PLCB4: variants seen among roughly 807,000 people sequenced by gnomAD.
PLCB4 encodes phospholipase C beta 4.
PLCB4 carries 77 observed loss-of-function variants against 178.8 expected under a neutral mutation model. The ratio of observed to expected loss-of-function variants is 0.43; its 90% confidence interval spans 0.36 to 0.52. PLCB4 has a LOEUF of 0.52. Ranked by LOEUF, PLCB4 falls within the 20% of genes least tolerant of loss-of-function variation. The pLI is 0.00. For synonymous variants in PLCB4, 496 were observed against 490.8 expected (o/e 1.01, Z -0.14); for missense variants, 1,024 against 1,453.4 (o/e 0.70, Z 4.80).
intron 29 of PLCB4, 56 bp from the exon 30 acceptor site, chr20:9,436,946 A>C: frequency 2.0e-6 from 3 of 1,525,620 alleles, no homozygotes; most frequent in South Asian, 1.1e-5. Flanking sequence ...AGAATGTACA[A>C]GATATTTGAC....
At chr20:9,321,214 C>G (rs1256887886) in intron 4 of PLCB4, among the ~76,000 whole-genome samples, 12 of 152,156 alleles carry the variant, frequency 7.9e-5, no homozygotes, top group African/African-American at 2.9e-4. Flanking sequence ...CCACAGTTTA[C>G]AGATGAGGAA....
chr20:9,266,816 C>G (rs1028323052), intron 3 of PLCB4, among the ~76,000 whole-genome samples: 1 of 151,824 alleles, frequency 6.6e-6, no homozygotes, highest in Non-Finnish European at 1.5e-5. Context: ...TTGTGTGGGT[C>G]TCAATAAAAT....
chr20:9,170,648 A>G (rs891576602), intron 2 of PLCB4, among the ~76,000 whole-genome samples: 1 of 152,232 alleles, frequency 6.6e-6, no homozygotes, highest in African/African-American at 2.4e-5. Context: ...CAGAAACAGA[A>G]AGCTCTATCC....
At position 9,479,278 on chromosome 20, in the gene PLCB4, A is replaced by G. The variant is rs889672306; in HGVS notation, c.*269A>G. On this transcript the variant is annotated 3_prime_UTR_variant, in exon 40 of 40. Transcript: ENST00000378473. ...ATAATACAACTTAAACATGTTTGCT[A>G]TAAAATACCATCACAAGTAAATGAG... The G allele has an allele frequency of 1.1e-5, 5 of 436,640 alleles. No individual in the cohort carries two copies. The highest frequency in any genetic ancestry group is 7.9e-5 in the East Asian group (2 of 25,356). 27.0% of individuals were successfully genotyped at this position (436,640 alleles called of 1,614,324 possible). A position where few individuals can be genotyped will look rare whatever the true frequency, so the allele number is the denominator to read the frequency against.
chr20:9,326,691 C>T (rs763054343), intron 4 of PLCB4, among the ~76,000 whole-genome samples: 3 of 152,112 alleles, frequency 2.0e-5, no homozygotes, highest in Non-Finnish European at 2.9e-5. Flanking sequence ...TGTGATGGCT[C>T]GTCTGTGGCA....
intron 3 of PLCB4, among the ~76,000 whole-genome samples, chr20:9,290,425 T>A (rs2094570620): frequency 6.6e-6 from 1 of 152,184 alleles, no homozygotes; most frequent in Non-Finnish European, 1.5e-5. Context: ...TCCAACTCTC[T>A]GACCTTTGAT....
At chr20:9,415,261 T>G (rs1365138692) in intron 25 of PLCB4, among the ~76,000 whole-genome samples, 2 of 152,230 alleles carry the variant, frequency 1.3e-5, no homozygotes, top group Non-Finnish European at 2.9e-5. Context: ...AATTTTTATT[T>G]TCCAATTTTT....
intron 3 of PLCB4, among the ~76,000 whole-genome samples, chr20:9,258,859 AT>A (rs1156669695): frequency 6.6e-6 from 1 of 152,104 alleles, no homozygotes; most frequent in Non-Finnish European, 1.5e-5. Context: ...AAATAAACAC[AT>A]TTTCAGACAA....
intron 27 of PLCB4, among the ~76,000 whole-genome samples, chr20:9,422,106 G>A (rs890954370): frequency 2.6e-5 from 4 of 152,182 alleles, no homozygotes; most frequent in African/African-American, 9.7e-5. Context: ...CGGCAGTGCT[G>A]TCTCCAAGAA....
At chr20:9,181,766 A>T (rs148630166) in intron 2 of PLCB4, among the ~76,000 whole-genome samples, 4 of 152,270 alleles carry the variant, frequency 2.6e-5, no homozygotes, top group African/African-American at 9.6e-5. Context: ...TTGGGGCTTC[A>T]TTATGGAAAT....
At chr20:9,207,983 A>G (rs1195037631) in intron 2 of PLCB4, among the ~76,000 whole-genome samples, 1 of 152,204 alleles carries the variant, frequency 6.6e-6, no homozygotes, top group Non-Finnish European at 1.5e-5. Flanking sequence ...AACGCAAATT[A>G]CAGAAATGTA....
chr20:9,474,262 C>T (rs760266420), intron 38 of PLCB4, among the ~76,000 whole-genome samples: 1 of 151,800 alleles, frequency 6.6e-6, no homozygotes, highest in Non-Finnish European at 1.5e-5. Flanking sequence ...TTTAGTTAGG[C>T]CAATGGGCAT....
intron 4 of PLCB4, among the ~76,000 whole-genome samples, chr20:9,314,913 C>G (rs2147920349): frequency 6.6e-6 from 1 of 151,580 alleles, no homozygotes; most frequent in South Asian, 2.1e-4. Context: ...TGCTTGTTAC[C>G]CAAGCTGGAG....
At chr20:9,216,905 A>G (rs1447697740) in intron 2 of PLCB4, among the ~76,000 whole-genome samples, 5 of 152,202 alleles carry the variant, frequency 3.3e-5, no homozygotes, top group African/African-American at 1.2e-4. Flanking sequence ...TCCAATGTCA[A>G]ATCCAGAATC....
At chr20:9,362,259 C>T (rs1230404128) in intron 7 of PLCB4, among the ~76,000 whole-genome samples, 1 of 152,220 alleles carries the variant, frequency 6.6e-6, no homozygotes, top group East Asian at 1.9e-4. Context: ...CCAAATTCCT[C>T]TACTGCCATG....
At chr20:9,131,925 A>T (rs1324580617) in intron 2 of PLCB4, among the ~76,000 whole-genome samples, 2 of 152,100 alleles carry the variant, frequency 1.3e-5, no homozygotes, top group Non-Finnish European at 2.9e-5. Context: ...CTATTAAGTG[A>T]TTGGCCACAT....
intron 30 of PLCB4, among the ~76,000 whole-genome samples, chr20:9,441,880 A>G (rs1028051255): frequency 2.0e-5 from 3 of 151,050 alleles, no homozygotes; most frequent in Non-Finnish European, 2.9e-5. Flanking sequence ...TTAGACATTC[A>G]GCCAAACAGC....
At chr20:9,113,545 C>T (rs982606290) in intron 2 of PLCB4, among the ~76,000 whole-genome samples, 1 of 152,122 alleles carries the variant, frequency 6.6e-6, no homozygotes, top group African/African-American at 2.4e-5. Flanking sequence ...AATTGGTGTA[C>T]TGGGGAAGAT....
At chr20:9,136,662 G>A (rs1213539964) in intron 2 of PLCB4, among the ~76,000 whole-genome samples, 1 of 152,100 alleles carries the variant, frequency 6.6e-6, no homozygotes, top group Non-Finnish European at 1.5e-5. Context: ...CACTCAGAAA[G>A]AATTGCAAAT....
Sources: allele counts gnomAD v4.1 joint callset (sites outside exome capture counted in the v4.1 genomes callset), GRCh38; gene constraint gnomAD v4.1.1; transcripts MANE v1.5; gene names NCBI Gene and HGNC (gene_info 2026-07-23, HGNC 2026-07-21).